CRMP1: variants seen among roughly 807,000 people sequenced by gnomAD.
The protein encoded by CRMP1 is dihydropyrimidinase-related protein 1.
CRMP1 carries 19 observed loss-of-function variants against 68.3 expected under a neutral mutation model. That is an observed-to-expected ratio of 0.28 (90% confidence interval 0.19 to 0.41). CRMP1 has a LOEUF of 0.41. Among genes scored for constraint, CRMP1 ranks in the 10% least tolerant of loss-of-function variants. CRMP1 has a pLI of 1.00. For synonymous variants in CRMP1, 439 were observed against 399.6 expected, an observed-to-expected ratio of 1.10 and a Z score of -1.18; for missense variants, 791 against 967.4, an observed-to-expected ratio of 0.82 and a Z score of 2.42.
intron 12 of CRMP1, chr4:5,826,047 C>A: frequency 3.4e-6 from 1 of 293,732 alleles, no homozygotes; most frequent in Non-Finnish European, 6.3e-6. Flanking sequence ...TTCACAAAGG[C>A]ATACTCACAT....
Position 5,842,444 on chromosome 4 carries a change from A to G in CRMP1, c.1032+649T>C, listed in dbSNP as rs545002456. Among the ~76,000 whole-genome samples, 153 of 149,846 alleles carry G rather than the reference A, an allele frequency of 1.0e-3. 1 individual carries two copies. The highest frequency in any genetic ancestry group is 3.1e-3 in the African/African-American group (127 of 40,658). On this transcript the variant is annotated intron_variant, in intron 7 of 13. Transcript: ENST00000324989. This position sits in a 1 kb window ranked among gnomAD's most constrained non-coding sequence, Gnocchi z 4.5. Reference sequence around the variant, plus strand: ...ACTCCATCTCAAAAAAAAAAAAAAAAAAAGAAAAGAAAGAAAGAAAGTAAA... The same window carrying G: ...ACTCCATCTCAAAAAAAAAAAAAAAGAAAGAAAAGAAAGAAAGAAAGTAAA...
intron 6 of CRMP1, among the ~76,000 whole-genome samples, chr4:5,846,717 A>G (rs574290178): frequency 1.4e-5 from 2 of 146,536 alleles, no homozygotes; most frequent in African/African-American, 5.2e-5. Context: ...CAACCTCCCA[A>G]GTAGCTAGGA....
At chr4:5,833,458 G>A (rs1350463210) in intron 11 of CRMP1, among the ~76,000 whole-genome samples, 2 of 86,518 alleles carry the variant, frequency 2.3e-5, no homozygotes, top group Non-Finnish European at 2.5e-5. Flanking sequence ...GAGCCACCGC[G>A]CCCGGCCCCA....
At position 5,892,110 on chromosome 4, in the gene CRMP1, G is replaced by A. The variant is rs1290247554; in HGVS notation, c.381+479C>T. On this transcript the variant is annotated intron_variant, in intron 1 of 13. Transcript: ENST00000324989. This position sits in a 1 kb window ranked among gnomAD's most constrained non-coding sequence, Gnocchi z 8.6. ...AGCTTTAAGCTGTGTGGCCGCAGGCGACTCGCGGAACCTCTCCCGGGGCCC... is the reference window on the plus strand; with the variant it reads ...AGCTTTAAGCTGTGTGGCCGCAGGCAACTCGCGGAACCTCTCCCGGGGCCC... 6.6e-6 allele frequency among the ~76,000 whole-genome samples: 1 copy of A among 152,186 alleles called. No individual in the cohort carries two copies. Among genetic ancestry groups the A allele is most frequent in the African/African-American group, 2.4e-5 (1 of 41,454 alleles).
Position 5,892,886 on chromosome 4 carries a change from C to T in CRMP1, c.84G>A (p.Pro28=). ...LARPGSAAQT[P]RQKYGGMFAA... ...CGAACATGCCGCCGTACTTCTGGCGCGGGGTCTGCGCCGCGCTGCCCGGCC... is the reference window on the plus strand; with the variant it reads ...CGAACATGCCGCCGTACTTCTGGCGTGGGGTCTGCGCCGCGCTGCCCGGCC... The change falls in exon 1 of 14, where the codon CCG becomes CCA. Residue 28 remains proline (P), a synonymous_variant. Coordinates refer to ENST00000324989, the MANE Select transcript of CRMP1 (RefSeq NM_001014809.3). This position sits in a 1 kb window ranked among gnomAD's most constrained non-coding sequence, Gnocchi z 8.6. 2.1e-6 allele frequency: 3 copies of T among 1,408,362 alleles called. No individual in the cohort carries two copies. Among genetic ancestry groups the T allele is most frequent in the Non-Finnish European group, 1.9e-6 (2 of 1,072,890 alleles). 87.2% of individuals were successfully genotyped at this position (1,408,362 alleles called of 1,614,324 possible). A position where few individuals can be genotyped will look rare whatever the true frequency, so the allele number is the denominator to read the frequency against.
rs1027459308 is a variant in CRMP1 at position 5,890,350 on chromosome 4, A to G, written c.381+2239T>C. Among the ~76,000 whole-genome samples, 1 of 152,194 alleles carries G rather than the reference A, an allele frequency of 6.6e-6. No individual in the cohort carries two copies. Among genetic ancestry groups the G allele is most frequent in the Admixed American group, 6.5e-5 (1 of 15,284 alleles). On this transcript the variant is annotated intron_variant, in intron 1 of 13. Transcript: ENST00000324989. The surrounding 1 kb of genome is among the most constrained non-coding windows in gnomAD (Gnocchi z 5.5). ...CCGGTACAAAGCGCCGCAGCCGCTCAGCCTCCGGCAGCGGCAATCCTTGCG... is the reference window on the plus strand; with the variant it reads ...CCGGTACAAAGCGCCGCAGCCGCTCGGCCTCCGGCAGCGGCAATCCTTGCG...
chr4:5,823,758 G>T (rs1013049175), intron 13 of CRMP1, among the ~76,000 whole-genome samples: 1 of 152,100 alleles, frequency 6.6e-6, no homozygotes, highest in Non-Finnish European at 1.5e-5. Context: ...CGCTGGCACC[G>T]TGCTGCTTGT....
At position 5,825,147 on chromosome 4, in the gene CRMP1, C is replaced by A. The variant is rs1176804867; in HGVS notation, c.1969+347G>T. ...ATGCCCTGCAAATGGCAGCTACTCCCATCTCTTGTTCATCCCCACCACTCC... is the reference window on the plus strand; with the variant it reads ...ATGCCCTGCAAATGGCAGCTACTCCAATCTCTTGTTCATCCCCACCACTCC... On this transcript the variant is annotated intron_variant, in intron 13 of 13. Transcript: ENST00000324989. The surrounding 1 kb of genome is among the most constrained non-coding windows in gnomAD (Gnocchi z 4.4). The A allele has an allele frequency of 2.0e-6, 2 of 985,244 alleles. No homozygotes were observed. The highest frequency in any genetic ancestry group is 2.4e-6 in the Non-Finnish European group (2 of 829,926). The allele number at this position is 985,244 out of a possible 1,614,324, so 61.0% of individuals were successfully genotyped here. A position where few individuals can be genotyped will look rare whatever the true frequency, so the allele number is the denominator to read the frequency against.
intron 9 of CRMP1, among the ~76,000 whole-genome samples, chr4:5,837,873 C>T (rs1211820011): frequency 1.3e-5 from 2 of 151,902 alleles, no homozygotes; most frequent in African/African-American, 4.8e-5. Context: ...CCTATGTGCC[C>T]GGTACAATTT....
rs907492366 is a variant in CRMP1 at position 5,866,569 on chromosome 4, C to G, written c.470+99G>C. The G allele has an allele frequency of 3.6e-5, 30 of 826,240 alleles. No individual in the cohort carries two copies. Among genetic ancestry groups the G allele is most frequent in the African/African-American group, 3.1e-4 (18 of 57,922 alleles). The allele number at this position is 826,240 out of a possible 1,614,324, so 51.2% of individuals were successfully genotyped here. Reference sequence around the variant, plus strand: ...CTACCCCTGAAACACAGGTACACAGCCCCGTCATTCTAGGACAGAATGCCA... The same window carrying G: ...CTACCCCTGAAACACAGGTACACAGGCCCGTCATTCTAGGACAGAATGCCA... On this transcript the variant is annotated intron_variant, in intron 2 of 13. Transcript: ENST00000324989. This position sits in a 1 kb window ranked among gnomAD's most constrained non-coding sequence, Gnocchi z 5.9.
chr4:5,886,678 C>T (rs1715611228), intron 1 of CRMP1, among the ~76,000 whole-genome samples: 1 of 152,250 alleles, frequency 6.6e-6, no homozygotes, highest in Non-Finnish European at 1.5e-5. Context: ...ACCCAGAACT[C>T]CTGACTCCTG....
intron 12 of CRMP1, chr4:5,827,898 A>G (rs978524360): frequency 7.1e-6 from 3 of 420,074 alleles, no homozygotes; most frequent in African/African-American, 2.2e-5. Context: ...GAGTTGCTCT[A>G]AAGTTAGGAA....
Position 5,889,949 on chromosome 4 carries a change from C to T in CRMP1, c.381+2640G>A. ...TTTACAGACAGGAAATTGAGGCTTA[C>T]AGAGGTAAAATGATGTACCCCGGGT... On this transcript the variant is annotated intron_variant, in intron 1 of 13. Coordinates refer to ENST00000324989, the MANE Select transcript of CRMP1 (RefSeq NM_001014809.3). This position sits in a 1 kb window ranked among gnomAD's most constrained non-coding sequence, Gnocchi z 4.5. 7.5e-7 allele frequency: 1 copy of T among 1,341,214 alleles called. No individual in the cohort carries two copies. The highest frequency in any genetic ancestry group is 1.7e-5 in the South Asian group (1 of 59,198). The allele number at this position is 1,341,214 out of a possible 1,614,324, so 83.1% of individuals were successfully genotyped here. A position where few individuals can be genotyped will look rare whatever the true frequency, so the allele number is the denominator to read the frequency against.
At position 5,892,678 on chromosome 4, in the gene CRMP1, A is replaced by G. The variant is rs2152478448; in HGVS notation, c.292T>C (p.Ser98Pro). 1.6e-6 allele frequency: 2 copies of G among 1,215,776 alleles called. No homozygotes were observed. The highest frequency in any genetic ancestry group is 2.0e-6 in the Non-Finnish European group (2 of 978,352). The allele number at this position is 1,215,776 out of a possible 1,614,324, so 75.3% of individuals were successfully genotyped here. The change falls in exon 1 of 14, where the codon TCT (serine) becomes CCT (proline). Residue 98 changes from serine (S) to proline (P), a missense_variant. Physicochemically the swap from Ser to Pro is moderately conservative, Grantham distance 74. This residue lies in a region of CRMP1 where 193 missense variants were observed against 186.3 expected (regional missense o/e 1.04). Coordinates refer to ENST00000324989, the MANE Select transcript of CRMP1 (RefSeq NM_001014809.3). The surrounding 1 kb of genome is among the most constrained non-coding windows in gnomAD (Gnocchi z 8.6). ...VSEPSGSAVS[S>P]PGERDERPPT... ...GGCCGCTCGTCGCGCTCTCCGGGAGAGCTGACCGCGGAGCCCGAGGGCTCG... is the reference window on the plus strand; with the variant it reads ...GGCCGCTCGTCGCGCTCTCCGGGAGGGCTGACCGCGGAGCCCGAGGGCTCG...
intron 8 of CRMP1, among the ~76,000 whole-genome samples, chr4:5,840,748 A>G (rs1341261417): frequency 1.3e-5 from 2 of 152,220 alleles, no homozygotes; most frequent in Non-Finnish European, 2.9e-5. Context: ...TACCGCTTCC[A>G]GATTTCTGTA....
rs765902663 is a variant in CRMP1 at position 5,842,596 on chromosome 4, TCTCACA to T, written c.1032+491_1032+496del. 2.4e-5 allele frequency among the ~76,000 whole-genome samples: 3 copies of T among 122,980 alleles called. No individual in the cohort carries two copies. Among genetic ancestry groups the T allele is most frequent in the South Asian group, 4.7e-4 (2 of 4,294 alleles). The allele number at this position is 122,980 out of a possible 152,430, so 80.7% of individuals were successfully genotyped here. A position where few individuals can be genotyped will look rare whatever the true frequency, so the allele number is the denominator to read the frequency against. Reference sequence around the variant, plus strand: ...CACATGCACCCACACTCACACACTCTCTCACACACACACACACACACTCACTCACAC... The same window carrying T: ...CACATGCACCCACACTCACACACTCTCACACACACACACACTCACTCACAC... On this transcript the variant is annotated intron_variant, in intron 7 of 13. Coordinates refer to ENST00000324989, the MANE Select transcript of CRMP1 (RefSeq NM_001014809.3). The surrounding 1 kb of genome is among the most constrained non-coding windows in gnomAD (Gnocchi z 4.5).
intron 9 of CRMP1, among the ~76,000 whole-genome samples, chr4:5,837,441 G>T (rs1300984318): frequency 1.4e-5 from 2 of 145,162 alleles, no homozygotes; most frequent in Non-Finnish European, 3.0e-5. Context: ...TGACCAACAT[G>T]GCAAAACCTT....
Position 5,889,947 on chromosome 4 carries a change from T to C in CRMP1, c.381+2642A>G. On this transcript the variant is annotated intron_variant, in intron 1 of 13. Transcript: ENST00000324989. The surrounding 1 kb of genome is among the most constrained non-coding windows in gnomAD (Gnocchi z 4.5). ...ATTTTACAGACAGGAAATTGAGGCT[T>C]ACAGAGGTAAAATGATGTACCCCGG... 4.5e-6 allele frequency: 6 copies of C among 1,343,680 alleles called. No individual in the cohort carries two copies. The highest frequency in any genetic ancestry group is 5.8e-6 in the Non-Finnish European group (6 of 1,042,902). The allele number at this position is 1,343,680 out of a possible 1,614,324, so 83.2% of individuals were successfully genotyped here. A position where few individuals can be genotyped will look rare whatever the true frequency, so the allele number is the denominator to read the frequency against.
At chr4:5,831,634 G>A (rs956057662) in intron 11 of CRMP1, among the ~76,000 whole-genome samples, 4 of 152,170 alleles carry the variant, frequency 2.6e-5, no homozygotes, top group Non-Finnish European at 4.4e-5. Context: ...AGCCCTTGGG[G>A]ACCTGGGCTG....
Sources: gnomAD v4.1 joint callset for allele counts (sites outside exome capture counted in the v4.1 genomes callset) on GRCh38, gnomAD v4.1.1 for gene constraint, gnomAD v4.1.1 regional missense constraint, Gnocchi (gnomAD v3.1) non-coding constraint, MANE v1.5 for transcripts, NCBI Gene and HGNC (gene_info 2026-07-23, HGNC 2026-07-21) for gene names.